Variants in PLXDC2 observed in about 807,000 individuals in gnomAD.
PLXDC2 encodes plexin domain containing 2.
Under a neutral mutation model 68.9 loss-of-function variants are expected in PLXDC2, and 40 were observed. The observed-to-expected ratio is 0.58, with a 90% CI of 0.45 to 0.76. PLXDC2 has a LOEUF of 0.76. Among genes scored for constraint, PLXDC2 ranks in the 30% least tolerant of loss-of-function variants. The probability of loss-of-function intolerance (pLI) is 0.00; values close to 1 mark genes in which losing one functional copy is unlikely to be tolerated. For missense variants in PLXDC2, 644 were observed against 661.9 expected (o/e 0.97, Z 0.30); for synonymous variants, 243 against 234.2 (o/e 1.04, Z -0.34).
chr10:20,142,643 C>A (rs998361772), intron 4 of PLXDC2, among the ~76,000 whole-genome samples: 16 of 152,056 alleles, frequency 1.1e-4, no homozygotes, highest in South Asian at 4.1e-4. Context: ...GATTAAATCT[C>A]TAAATAGAGA....
At chr10:20,098,318 T>C (rs1833377844) in intron 4 of PLXDC2, among the ~76,000 whole-genome samples, 1 of 151,554 alleles carries the variant, frequency 6.6e-6, no homozygotes, top group African/African-American at 2.4e-5. Flanking sequence ...GTATCTTCTC[T>C]CTGCTCTGTC....
chr10:20,281,371 T>C lies in PLXDC2; in HGVS notation c.*1552T>C, dbSNP rs1256555127. 1 of 152,258 alleles carries C rather than the reference T, an allele frequency of 6.6e-6. No homozygotes were observed. The highest frequency in any genetic ancestry group is 2.1e-4 in the South Asian group (1 of 4,830). 9.4% of individuals were successfully genotyped at this position (152,258 alleles called of 1,614,324 possible). A position where few individuals can be genotyped will look rare whatever the true frequency, so the allele number is the denominator to read the frequency against. On this transcript the variant is annotated 3_prime_UTR_variant, in exon 14 of 14. Coordinates refer to ENST00000377252, the MANE Select transcript of PLXDC2 (RefSeq NM_032812.9). ...ACCAACATTCTAACCCATGAAACTT[T>C]TACACTCTGTGCCAAGAAACTGTTG...
intron 1 of PLXDC2, among the ~76,000 whole-genome samples, chr10:19,993,228 A>AGATT (rs1215372597): frequency 1.3e-5 from 2 of 152,330 alleles, no homozygotes; most frequent in Non-Finnish European, 2.9e-5. Flanking sequence ...GTAAAGATGT[A>AGATT]GCAATACCTT....
chr10:19,896,414 A>C (rs748059154), intron 1 of PLXDC2, among the ~76,000 whole-genome samples: 6 of 152,200 alleles, frequency 3.9e-5, no homozygotes, highest in Non-Finnish European at 8.8e-5. Flanking sequence ...ACCTTACACC[A>C]GTTTGTTAAC....
At chr10:19,975,019 C>T (rs753463535) in intron 1 of PLXDC2, among the ~76,000 whole-genome samples, 4 of 152,166 alleles carry the variant, frequency 2.6e-5, no homozygotes, top group Admixed American at 6.5e-5. Context: ...AAACCATCAT[C>T]GGCTCTGTCA....
At chr10:20,227,634 A>G (rs1172803480) in intron 12 of PLXDC2, among the ~76,000 whole-genome samples, 1 of 152,122 alleles carries the variant, frequency 6.6e-6, no homozygotes, top group Non-Finnish European at 1.5e-5. Flanking sequence ...GAATAAGTGG[A>G]GTGTCAGCAT....
chr10:19,974,818 T>C lies in PLXDC2; in HGVS notation c.113-26957T>C, dbSNP rs140722719. Among the ~76,000 whole-genome samples, 252 of 152,310 alleles carry C rather than the reference T, an allele frequency of 1.7e-3. 1 individual carries two copies. The highest frequency in any genetic ancestry group is 5.8e-3 in the African/African-American group (239 of 41,560). On this transcript the variant is annotated intron_variant, in intron 1 of 13. Coordinates refer to ENST00000377252, the MANE Select transcript of PLXDC2 (RefSeq NM_032812.9). Reference sequence around the variant, plus strand: ...TCTAAACTTGGACTGTAATTTTGTTTAGTAACAGAATCATTCCAGTTTAAA... The same window carrying C: ...TCTAAACTTGGACTGTAATTTTGTTCAGTAACAGAATCATTCCAGTTTAAA...
intron 13 of PLXDC2, among the ~76,000 whole-genome samples, chr10:20,273,425 C>T (rs1381963183): frequency 1.3e-5 from 2 of 152,056 alleles, no homozygotes; most frequent in Non-Finnish European, 2.9e-5. Context: ...GAAAAGGATT[C>T]ACTCCTGGTG....
intron 1 of PLXDC2, among the ~76,000 whole-genome samples, chr10:19,843,368 G>T (rs1488637062): frequency 6.6e-6 from 1 of 152,000 alleles, no homozygotes; most frequent in Non-Finnish European, 1.5e-5. Flanking sequence ...TATTTGTAAA[G>T]TTTTTCTGGG....
rs1164231687 is a variant in PLXDC2, at chr10:20,281,858, A to AT, written c.*2040dup. 6.6e-6 allele frequency: 1 copy of AT among 152,130 alleles called. No homozygotes were observed. Among genetic ancestry groups the AT allele is most frequent in the African/African-American group, 2.4e-5 (1 of 41,440 alleles). 9.4% of individuals were successfully genotyped at this position (152,130 alleles called of 1,614,324 possible). A position where few individuals can be genotyped will look rare whatever the true frequency, so the allele number is the denominator to read the frequency against. On this transcript the variant is annotated 3_prime_UTR_variant, in exon 14 of 14. Coordinates refer to ENST00000377252, the MANE Select transcript of PLXDC2 (RefSeq NM_032812.9). The stretch of plus-strand genomic sequence containing the variant: ...AACACATAGACGACTTCCTTTTAGG[A>AT]TAAAATGATGCTTCTTTCACTACCT...
At chr10:20,153,931 A>G (rs1462061964) in intron 6 of PLXDC2, among the ~76,000 whole-genome samples, 3 of 152,172 alleles carry the variant, frequency 2.0e-5, no homozygotes, top group Non-Finnish European at 4.4e-5. Context: ...ATCATACCAT[A>G]GCCTAATATA....
intron 13 of PLXDC2, among the ~76,000 whole-genome samples, chr10:20,247,340 GGTGGCACATGCCTGTAGTCCAAGC>G (rs1421565853): frequency 1.8e-4 from 28 of 151,828 alleles, no homozygotes; most frequent in African/African-American, 6.3e-4. Flanking sequence ...AATGGGGCAT[GGTGGCACATGCCTGTAGTCCAAGC>G]TACTTGGGAG....
intron 1 of PLXDC2, among the ~76,000 whole-genome samples, chr10:19,931,482 A>G (rs1029074044): frequency 3.9e-5 from 6 of 152,224 alleles, no homozygotes; most frequent in Admixed American, 6.5e-5. Flanking sequence ...TTGAAAAGGT[A>G]TTTTAAATGC....
At chr10:20,084,092 C>T (rs1564309538) in intron 4 of PLXDC2, among the ~76,000 whole-genome samples, 1 of 152,172 alleles carries the variant, frequency 6.6e-6, no homozygotes, top group African/African-American at 2.4e-5. Flanking sequence ...TAGGTGTTAT[C>T]ATAAGTCTTA....
intron 4 of PLXDC2, among the ~76,000 whole-genome samples, chr10:20,103,315 A>G (rs944894751): frequency 6.6e-6 from 1 of 152,200 alleles, no homozygotes. Context: ...ATACTGTTTT[A>G]TGGAAGATCA....
intron 7 of PLXDC2, among the ~76,000 whole-genome samples, chr10:20,166,244 T>C (rs1444651592): frequency 6.6e-6 from 1 of 152,136 alleles, no homozygotes; most frequent in East Asian, 1.9e-4. Flanking sequence ...TAAGATATCT[T>C]AGAACTGAAT....
chr10:19,852,425 CAAAAAAAAAAAAAAAAAAAAAAAAAAAAA>C (rs61430454), intron 1 of PLXDC2, among the ~76,000 whole-genome samples: 2 of 61,928 alleles, frequency 3.2e-5, no homozygotes, highest in African/African-American at 1.3e-4. Context: ...GACCCTGTCT[CAAAAAAAAAAAAAAAAAAAAAAAAAAAAA>C]AAAAAAAAAA....
chr10:19,835,103 C>T (rs1337084352), intron 1 of PLXDC2, among the ~76,000 whole-genome samples: 1 of 152,178 alleles, frequency 6.6e-6, no homozygotes, highest in Admixed American at 6.5e-5. Flanking sequence ...CTGCCCTTGC[C>T]TGTTGGGCAA....
At chr10:20,228,019 C>T (rs779892395) in intron 12 of PLXDC2, among the ~76,000 whole-genome samples, 9 of 151,882 alleles carry the variant, frequency 5.9e-5, no homozygotes, top group East Asian at 1.9e-4. Context: ...AGGACATGGG[C>T]GTAAGTTATC....
Sources: gnomAD v4.1 joint callset for allele counts (sites outside exome capture counted in the v4.1 genomes callset) on GRCh38, gnomAD v4.1.1 for gene constraint, MANE v1.5 for transcripts, NCBI Gene and HGNC (gene_info 2026-07-23, HGNC 2026-07-21) for gene names.